Variants in DLG1 observed in about 807,000 individuals in gnomAD.
DLG1 encodes discs large MAGUK scaffold protein 1.
In DLG1, 42 loss-of-function variants were observed where a neutral mutation model predicts 123.4. The ratio of observed to expected loss-of-function variants is 0.34; its 90% CI spans 0.27 to 0.44. The LOEUF (loss-of-function observed/expected upper bound fraction) is 0.44, where lower values mean the gene tolerates loss of function less well. DLG1 is among the 20% of genes least tolerant of loss of function. The pLI is 1.00. For synonymous variants in DLG1, 317 were observed against 356.2 expected (o/e 0.89, Z 1.24); for missense variants, 942 against 1,082.6 (o/e 0.87, Z 1.82).
At chr3:197,246,130 G>A (rs566013420) in intron 4 of DLG1, among the ~76,000 whole-genome samples, 91 of 152,210 alleles carry the variant, frequency 6.0e-4, no homozygotes, top group Middle Eastern at 3.4e-3. Flanking sequence ...TGAGCGGACC[G>A]ATTATTGGGC....
chr3:197,219,080 G>A (rs1234447137), intron 4 of DLG1, among the ~76,000 whole-genome samples: 1 of 151,798 alleles, frequency 6.6e-6, no homozygotes, highest in Non-Finnish European at 1.5e-5. Flanking sequence ...GCGGTGGGCC[G>A]AGATGCGCCA....
intron 17 of DLG1, among the ~76,000 whole-genome samples, chr3:197,078,821 TAA>T (rs1353310646): frequency 6.6e-6 from 1 of 152,194 alleles, no homozygotes; most frequent in Non-Finnish European, 1.5e-5. Flanking sequence ...GTGTTTTTTA[TAA>T]AAGTTTATTC....
intron 5 of DLG1, among the ~76,000 whole-genome samples, chr3:197,179,216 T>C (rs9844414): frequency 0.35 from 52,482 of 152,036 alleles, 9,652 homozygotes; most frequent in South Asian, 0.45. Flanking sequence ...AAAAGGGATT[T>C]AGGATCTAAA....
intron 4 of DLG1, among the ~76,000 whole-genome samples, chr3:197,224,749 A>G (rs550401924): frequency 6.6e-6 from 1 of 152,310 alleles, no homozygotes; most frequent in East Asian, 1.9e-4. Flanking sequence ...CAGAAAAGCA[A>G]TATATTCTTT....
At chr3:197,226,117 A>AC (rs1739784201) in intron 4 of DLG1, 1 of 152,074 alleles carries the variant, frequency 6.6e-6, no homozygotes, top group Non-Finnish European at 1.5e-5. Flanking sequence ...CATTGTTTCC[A>AC]CCCCCACAGC....
intron 10 of DLG1, among the ~76,000 whole-genome samples, chr3:197,132,053 T>C (rs1020514119): frequency 6.6e-6 from 1 of 152,216 alleles, no homozygotes; most frequent in Non-Finnish European, 1.5e-5. Flanking sequence ...TAGTTACTCA[T>C]AATAGTCTCT....
At chr3:197,254,783 G>A (rs1311380260) in intron 4 of DLG1, among the ~76,000 whole-genome samples, 1 of 152,198 alleles carries the variant, frequency 6.6e-6, no homozygotes, top group East Asian at 1.9e-4. Context: ...TGAGCGTGGT[G>A]GCTCATGCCT....
intron 4 of DLG1, among the ~76,000 whole-genome samples, chr3:197,256,026 G>C (rs1374926068): frequency 6.6e-6 from 1 of 152,190 alleles, no homozygotes; most frequent in Non-Finnish European, 1.5e-5. Flanking sequence ...GGAATTATTA[G>C]ATGATGTTAA....
chr3:197,229,938 A>G (rs1327098582), intron 4 of DLG1, among the ~76,000 whole-genome samples: 1 of 152,256 alleles, frequency 6.6e-6, no homozygotes, highest in African/African-American at 2.4e-5. Flanking sequence ...TGGAGGAGTC[A>G]CATAATTTAT....
chr3:197,255,910 C>T (rs558479657), intron 4 of DLG1, among the ~76,000 whole-genome samples: 193 of 151,990 alleles, frequency 1.3e-3, no homozygotes, highest in African/African-American at 4.3e-3. Context: ...CATCAAGCTG[C>T]GTACTTAGAT....
intron 4 of DLG1, among the ~76,000 whole-genome samples, chr3:197,198,144 AAAC>A (rs564897979): frequency 2.4e-3 from 140 of 58,626 alleles, no homozygotes; most frequent in Middle Eastern, 9.8e-3. Context: ...AAAACAAAAC[AAAC>A]AAAAAAATAC....
At chr3:197,110,828 G>T (rs947359970) in intron 13 of DLG1, among the ~76,000 whole-genome samples, 1 of 152,154 alleles carries the variant, frequency 6.6e-6, no homozygotes, top group Non-Finnish European at 1.5e-5. Context: ...GGCTATATGT[G>T]CATTTTGGGG....
chr3:197,251,140 T>C (rs1055813727), intron 4 of DLG1, among the ~76,000 whole-genome samples: 1 of 151,406 alleles, frequency 6.6e-6, no homozygotes, highest in Non-Finnish European at 1.5e-5. Flanking sequence ...AACCCCAGCA[T>C]TTGGGAGGCC....
chr3:197,169,529 C>T (rs1803060488), intron 5 of DLG1, among the ~76,000 whole-genome samples: 2 of 152,132 alleles, frequency 1.3e-5, no homozygotes, highest in Non-Finnish European at 2.9e-5. Context: ...ATCTTTTATA[C>T]AAGAGTTCGA....
intron 24 of DLG1, among the ~76,000 whole-genome samples, chr3:197,051,244 G>C (rs1379026094): frequency 6.6e-6 from 1 of 152,052 alleles, no homozygotes; most frequent in African/African-American, 2.4e-5. Context: ...GTGGTGGCAG[G>C]TGCCTGTAAT....
At chr3:197,076,404 C>A (rs968624790) in intron 18 of DLG1, among the ~76,000 whole-genome samples, 182 bp downstream of exon 18, 3 of 152,076 alleles carry the variant, frequency 2.0e-5, no homozygotes, top group African/African-American at 7.2e-5. Context: ...ATTAAGAATT[C>A]CTAAGGTGCC....
chr3:197,127,682 A>G (rs1780456777), intron 11 of DLG1, among the ~76,000 whole-genome samples: 1 of 151,430 alleles, frequency 6.6e-6, no homozygotes, highest in Admixed American at 6.6e-5. Context: ...AGTGTTTCTC[A>G]AAGTGCAGGC....
chr3:197,195,037 ATCTCTCTCTC>A (rs77257107), intron 4 of DLG1, among the ~76,000 whole-genome samples: 1 of 150,466 alleles, frequency 6.6e-6, no homozygotes, highest in East Asian at 1.9e-4. Context: ...TTTAACTATA[ATCTCTCTCTC>A]TCTCTCTCAC....
At chr3:197,122,915 ATTTAC>A (rs1035995395) in intron 11 of DLG1, among the ~76,000 whole-genome samples, 4 of 152,104 alleles carry the variant, frequency 2.6e-5, no homozygotes, top group African/African-American at 7.2e-5. Flanking sequence ...CAAAATTAAG[ATTTAC>A]TTTACATCAA....
Sources: gnomAD v4.1 joint callset for allele counts (sites outside exome capture counted in the v4.1 genomes callset) on GRCh38, gnomAD v4.1.1 for gene constraint, MANE v1.5 for transcripts, NCBI Gene and HGNC (gene_info 2026-07-23, HGNC 2026-07-21) for gene names.